Variants in ADCY8 observed in about 807,000 individuals in gnomAD.
ADCY8 encodes adenylate cyclase 8, also known as adenylate cyclase type 8.
ADCY8 carries 51 observed loss-of-function variants against 119.7 expected under a neutral mutation model. The observed-to-expected ratio is 0.43, with a 90% CI of 0.34 to 0.54. ADCY8 has a LOEUF of 0.54. Among genes scored for constraint, ADCY8 ranks in the 20% least tolerant of loss-of-function variants. The probability of loss-of-function intolerance (pLI) is 0.03; values close to 1 mark genes in which losing one functional copy is unlikely to be tolerated. For synonymous variants in ADCY8, 665 were observed against 651.0 expected (o/e 1.02, Z -0.33); for missense variants, 1,383 against 1,598.8 (o/e 0.87, Z 2.30).
chr8:131,040,244 G>A lies in ADCY8; in HGVS notation c.90C>T (p.Ala30=), dbSNP rs1487820271. 1.3e-6 allele frequency: 2 copies of A among 1,548,044 alleles called. No homozygotes were observed. The highest frequency in any genetic ancestry group is 1.2e-5 in the South Asian group (1 of 85,026). ...GCCACAGCAGCCGCTGCGGCCGGGA[G>A]GCGCTCCTGCCGTCGCCGGCCGGGG... ...PTPPAGDGRS[A]SRPQRLLWQT... The change falls in exon 1 of 18, where the codon GCC becomes GCT. Residue 30 remains alanine (A), a synonymous_variant. Coordinates refer to ENST00000286355, the MANE Select transcript of ADCY8 (RefSeq NM_001115.3).
chr8:130,842,688 C>A (rs2130284705), intron 11 of ADCY8, among the ~76,000 whole-genome samples: 1 of 151,954 alleles, frequency 6.6e-6, no homozygotes, highest in South Asian at 2.1e-4. Flanking sequence ...GACTGGCCAA[C>A]CCCATCTCTA....
Position 130,857,848 on chromosome 8 carries a change from G to T in ADCY8, c.2211-8045C>A, listed in dbSNP as rs569593702. 4.6e-4 allele frequency among the ~76,000 whole-genome samples: 70 copies of T among 152,116 alleles called. 2 individuals carry two copies. Among genetic ancestry groups the T allele is most frequent in the Admixed American group, 1.7e-3 (26 of 15,282 alleles). On this transcript the variant is annotated intron_variant, in intron 9 of 17. Transcript: ENST00000286355. ...GTGATCTTATGGTGAAAAGCCACTGGTTTCTCTCACTTTTTTACAAGTTTT... is the reference window on the plus strand; with the variant it reads ...GTGATCTTATGGTGAAAAGCCACTGTTTTCTCTCACTTTTTTACAAGTTTT...
intron 8 of ADCY8, among the ~76,000 whole-genome samples, chr8:130,869,618 C>T (rs1818263251): frequency 1.3e-5 from 2 of 150,430 alleles, no homozygotes; most frequent in Non-Finnish European, 3.0e-5. Context: ...CCCAGGTTCA[C>T]TCCATTCTCC....
intron 2 of ADCY8, among the ~76,000 whole-genome samples, chr8:130,984,621 T>C (rs1470272984): frequency 2.6e-5 from 4 of 152,060 alleles, no homozygotes; most frequent in African/African-American, 9.7e-5. Flanking sequence ...TAACATCAAT[T>C]AGAAAGCTAT....
chr8:130,800,298 T>C (rs1473602791), intron 15 of ADCY8, 128 bp downstream of exon 15: 2 of 1,018,656 alleles, frequency 2.0e-6, no homozygotes, highest in Non-Finnish European at 3.0e-6. Context: ...TACATGTTTG[T>C]GTTTATAATG....
At chr8:130,999,363 G>A (rs1016925006) in intron 1 of ADCY8, among the ~76,000 whole-genome samples, 1 of 152,122 alleles carries the variant, frequency 6.6e-6, no homozygotes, top group Non-Finnish European at 1.5e-5. Context: ...GGAGTGGAAA[G>A]GTTCTCCATG....
chr8:130,799,883 G>C (rs567945513), intron 15 of ADCY8, among the ~76,000 whole-genome samples: 1 of 152,328 alleles, frequency 6.6e-6, no homozygotes, highest in East Asian at 1.9e-4. Flanking sequence ...GGGAGTAGAA[G>C]GCCCACTTGT....
intron 14 of ADCY8, among the ~76,000 whole-genome samples, chr8:130,812,950 CTTT>C (rs111620889): frequency 2.1e-5 from 3 of 140,226 alleles, no homozygotes; most frequent in Non-Finnish European, 1.6e-5. Flanking sequence ...CCATCTTGAT[CTTT>C]TTTTTTTTTT....
At chr8:130,949,612 T>A (rs1821213144) in intron 3 of ADCY8, 1 of 152,152 alleles carries the variant, frequency 6.6e-6, no homozygotes, top group African/African-American at 2.4e-5. Flanking sequence ...AGAATTCATG[T>A]ATTTGTGTTT....
At chr8:130,820,507 T>G (rs752096952) in intron 13 of ADCY8, among the ~76,000 whole-genome samples, 13 of 152,208 alleles carry the variant, frequency 8.5e-5, no homozygotes, top group Non-Finnish European at 1.6e-4. Context: ...CGAACGTTCA[T>G]GGGTTGGAGT....
intron 1 of ADCY8, among the ~76,000 whole-genome samples, chr8:131,025,423 T>C (rs1368734612): frequency 6.6e-6 from 1 of 152,088 alleles, no homozygotes; most frequent in Non-Finnish European, 1.5e-5. Context: ...GTGTTCAGCA[T>C]CCTCAACTAT....
intron 1 of ADCY8, among the ~76,000 whole-genome samples, chr8:131,005,116 T>A (rs943884771): frequency 6.6e-6 from 1 of 152,030 alleles, no homozygotes; most frequent in Non-Finnish European, 1.5e-5. Flanking sequence ...AAAGAAAAAA[T>A]AAATCCTTAT....
intron 15 of ADCY8, among the ~76,000 whole-genome samples, chr8:130,786,515 A>C (rs1225718009): frequency 2.0e-5 from 3 of 152,180 alleles, no homozygotes; most frequent in Non-Finnish European, 4.4e-5. Flanking sequence ...ACAGCCCTGT[A>C]AGTTTCATTT....
rs375598745 is a variant in ADCY8, at chr8:130,803,515, G to A, written c.2914-2943C>T. ...ATATAATGCACACCCTAGACAGTCT[G>A]GTCCAAGGTAAATACTCAAAACTGT... On this transcript the variant is annotated intron_variant, in intron 14 of 17. Coordinates refer to ENST00000286355, the MANE Select transcript of ADCY8 (RefSeq NM_001115.3). Among the ~76,000 whole-genome samples, 9 of 152,154 alleles carry A rather than the reference G, an allele frequency of 5.9e-5. No individual in the cohort carries two copies. The East Asian group carries it at 7.7e-4, about 13-fold the overall frequency.
At chr8:130,972,322 C>G (rs1424914533) in intron 2 of ADCY8, among the ~76,000 whole-genome samples, 3 of 152,104 alleles carry the variant, frequency 2.0e-5, no homozygotes, top group Non-Finnish European at 4.4e-5. Context: ...AAATATATGT[C>G]CACAGTCTGC....
At chr8:130,885,627 C>T (rs1217972217) in intron 7 of ADCY8, among the ~76,000 whole-genome samples, 2 of 150,548 alleles carry the variant, frequency 1.3e-5, no homozygotes, top group East Asian at 4.0e-4. Flanking sequence ...TGTTCACTCA[C>T]AGCACCAATT....
chr8:130,967,060 T>G (rs562173245), intron 2 of ADCY8, among the ~76,000 whole-genome samples: 1 of 152,298 alleles, frequency 6.6e-6, no homozygotes, highest in East Asian at 1.9e-4. Flanking sequence ...TGTTAATAAT[T>G]TGAAAAAAAA....
intron 14 of ADCY8, among the ~76,000 whole-genome samples, chr8:130,812,839 C>G (rs1191416272): frequency 6.6e-6 from 1 of 151,924 alleles, no homozygotes; most frequent in African/African-American, 2.4e-5. Flanking sequence ...TAAATATACA[C>G]ACATGTATCA....
rs1477262666 is a variant in ADCY8 at position 131,040,199 on chromosome 8, G to A, written c.135C>T (p.Ile45=). Residue 45 remains isoleucine (I), a synonymous_variant, in exon 1 of 18, where the codon ATC becomes ATT. Coordinates refer to ENST00000286355, the MANE Select transcript of ADCY8 (RefSeq NM_001115.3). The part of the protein sequence containing the change: ...RLLWQTAVRH[I]TEQRFIHGHR... ...GCCCGTGAATGAAGCGCTGCTCCGTGATGTGTCGCACCGCCGTCTGCCACA... is the reference window on the plus strand; with the variant it reads ...GCCCGTGAATGAAGCGCTGCTCCGTAATGTGTCGCACCGCCGTCTGCCACA... 6.5e-7 allele frequency: 1 copy of A among 1,536,304 alleles called. No individual in the cohort carries two copies. The highest frequency in any genetic ancestry group is 8.7e-7 in the Non-Finnish European group (1 of 1,147,578).
Sources: gnomAD v4.1 joint callset for allele counts (sites outside exome capture counted in the v4.1 genomes callset) on GRCh38, gnomAD v4.1.1 for gene constraint, MANE v1.5 for transcripts, NCBI Gene and HGNC (gene_info 2026-07-23, HGNC 2026-07-21) for gene names.